The following TRAPPC9 variants were observed in gnomAD, a reference collection of about 807,000 sequenced individuals.
TRAPPC9 encodes the protein IKK2 binding protein.
A neutral mutation model predicts 124.0 loss-of-function variants in TRAPPC9; 83 were observed. That is an observed-to-expected ratio of 0.67 (90% CI 0.56 to 0.80). The LOEUF (loss-of-function observed/expected upper bound fraction) is 0.80, where lower values mean the gene tolerates loss of function less well. Among genes scored for constraint, TRAPPC9 ranks in the 30% least tolerant of loss-of-function variants. The pLI, the probability that TRAPPC9 is intolerant of heterozygous loss-of-function variation, is 0.00. For missense variants in TRAPPC9, 1,302 were observed against 1,508.3 expected, an observed-to-expected ratio of 0.86 and a Z score of 2.27; for synonymous variants, 638 against 617.5, an observed-to-expected ratio of 1.03 and a Z score of -0.49.
At chr8:140,410,750 G>C (rs1473523075) in intron 5 of TRAPPC9, among the ~76,000 whole-genome samples, 2 of 151,950 alleles carry the variant, frequency 1.3e-5, no homozygotes, top group African/African-American at 4.8e-5. Context: ...GGCTGAGGCA[G>C]GAGAATGGCG....
chr8:140,442,927 G>A (rs1314979545), intron 2 of TRAPPC9, among the ~76,000 whole-genome samples: 11 of 151,884 alleles, frequency 7.2e-5, no homozygotes, highest in African/African-American at 2.7e-4. Flanking sequence ...AAAGTTAAGA[G>A]ATAGAGACCA....
chr8:140,032,028 C>T (rs1239957423), intron 17 of TRAPPC9, among the ~76,000 whole-genome samples: 1 of 152,218 alleles, frequency 6.6e-6, no homozygotes, highest in Admixed American at 6.5e-5. Flanking sequence ...TGCCATAGAC[C>T]ACAGCAGTGC....
rs34124150 is a variant in TRAPPC9 at position 140,152,355 on chromosome 8, C to CTTTTTT, written c.2556+69098_2556+69103dup. On this transcript the variant is annotated intron_variant, in intron 17 of 22. Transcript: ENST00000438773. ...AAATCAGTTTGGGTAATATTGCCAT[C>CTTTTTT]TTTTTTTTTTTTTTTTTTTTTTTGA... 5.0e-4 allele frequency among the ~76,000 whole-genome samples: 47 copies of CTTTTTT among 93,840 alleles called. 1 individual carries two copies. Among genetic ancestry groups the CTTTTTT allele is most frequent in the Middle Eastern group, 7.2e-3 (1 of 138 alleles). 61.6% of individuals were successfully genotyped at this position (93,840 alleles called of 152,430 possible).
chr8:140,239,833 T>C (rs78187863), intron 16 of TRAPPC9, among the ~76,000 whole-genome samples: 2,922 of 152,334 alleles, frequency 0.019, 40 homozygotes, highest in Non-Finnish European at 0.031. Context: ...TCCAATCACC[T>C]TTGTCTTTGA....
intron 21 of TRAPPC9, among the ~76,000 whole-genome samples, chr8:139,736,883 C>T (rs1818205847): frequency 6.6e-6 from 1 of 152,156 alleles, no homozygotes; most frequent in South Asian, 2.1e-4. Context: ...TTCTGCAGGG[C>T]CCCACTCTCC....
intron 21 of TRAPPC9, among the ~76,000 whole-genome samples, chr8:139,865,893 C>T (rs867835299): frequency 4.6e-5 from 7 of 152,092 alleles, no homozygotes; most frequent in East Asian, 1.9e-4. Flanking sequence ...AACATGTGCC[C>T]GAGGTGGTCG....
intron 17 of TRAPPC9, among the ~76,000 whole-genome samples, chr8:140,202,823 C>T (rs1328891999): frequency 6.6e-6 from 1 of 152,194 alleles, no homozygotes; most frequent in Non-Finnish European, 1.5e-5. Context: ...CCAACTTCAC[C>T]TATGAAGTAT....
rs566888304 is a variant in TRAPPC9, at chr8:140,245,282, C to T, written c.2431+7495G>A. Among the ~76,000 whole-genome samples the T allele has an allele frequency of 9.8e-5, 15 of 152,324 alleles. No homozygotes were observed. In the South Asian group the frequency reaches 2.3e-3, roughly 23 times the overall value. Reference sequence around the variant, plus strand: ...CTCGATTTGCCCATCCCAATGCTGACGTCCTCCCTCGCCCACAGGGCCCAC... The same window carrying T: ...CTCGATTTGCCCATCCCAATGCTGATGTCCTCCCTCGCCCACAGGGCCCAC... On this transcript the variant is annotated intron_variant, in intron 16 of 22. Transcript: ENST00000438773.
At chr8:140,051,576 C>CTTTTTTTTTTTTT (rs1197128988) in intron 17 of TRAPPC9, among the ~76,000 whole-genome samples, 2 of 88,022 alleles carry the variant, frequency 2.3e-5, no homozygotes, top group African/African-American at 4.7e-5. Flanking sequence ...ATTGTTCATT[C>CTTTTTTTTTTTTT]TTTTTTTTTT....
Position 140,439,072 on chromosome 8 carries a change from T to C in TRAPPC9, c.710A>G (p.Asn237Ser). The part of the protein sequence containing the change: ...HMSVELLRSV[N>S]DFLWLGAALE... ...CTTACCTCCAAGCCACAGAAAGTCA[T>C]TCACAGAACGCAGCAGCTCCACCGA... Residue 237 changes from asparagine (N) to serine (S), a missense_variant, in exon 3 of 23, where the codon AAT becomes AGT. Asn to Ser is a conservative substitution (Grantham distance 46). Coordinates refer to ENST00000438773, the MANE Select transcript of TRAPPC9 (RefSeq NM_001160372.4). 1 of 1,614,198 alleles carries C rather than the reference T, an allele frequency of 6.2e-7. No homozygotes were observed. Among genetic ancestry groups the C allele is most frequent in the Non-Finnish European group, 8.5e-7 (1 of 1,180,044 alleles).
At chr8:139,753,769 G>C (rs2130245068) in intron 21 of TRAPPC9, among the ~76,000 whole-genome samples, 2 of 152,312 alleles carry the variant, frequency 1.3e-5, no homozygotes, top group East Asian at 3.9e-4. Flanking sequence ...TTGTAACATG[G>C]ACTAAGGGTG....
chr8:139,945,885 A>G (rs571607264), intron 19 of TRAPPC9, among the ~76,000 whole-genome samples: 1 of 152,370 alleles, frequency 6.6e-6, no homozygotes, highest in South Asian at 2.1e-4. Flanking sequence ...TAACAGATGG[A>G]TAAAAAGGTG....
intron 17 of TRAPPC9, among the ~76,000 whole-genome samples, chr8:140,074,461 C>T (rs1188204285): frequency 6.6e-6 from 1 of 152,232 alleles, no homozygotes; most frequent in African/African-American, 2.4e-5. Context: ...GCCACTTCAT[C>T]AACATCTGCT....
intron 8 of TRAPPC9, among the ~76,000 whole-genome samples, chr8:140,369,211 TGAACA>T (rs1045526950): frequency 6.6e-6 from 1 of 152,218 alleles, no homozygotes; most frequent in African/African-American, 2.4e-5. Context: ...GGAAGATGGT[TGAACA>T]GTAAGAAGTC....
intron 21 of TRAPPC9, among the ~76,000 whole-genome samples, chr8:139,874,807 G>C (rs1443090786): frequency 6.6e-6 from 1 of 152,194 alleles, no homozygotes; most frequent in Non-Finnish European, 1.5e-5. Flanking sequence ...CTCCAGGTAG[G>C]AGAACAACAA....
At chr8:139,731,345 C>G in intron 22 of TRAPPC9, 117 bp from the exon 23 acceptor site, 1 of 1,257,662 alleles carries the variant, frequency 8.0e-7, no homozygotes, top group Non-Finnish European at 1.1e-6. Flanking sequence ...GAGGGCCGCC[C>G]AGGCCTGGCT....
intron 14 of TRAPPC9, among the ~76,000 whole-genome samples, chr8:140,278,322 T>C (rs2065191907): frequency 6.6e-6 from 1 of 152,120 alleles, no homozygotes; most frequent in African/African-American, 2.4e-5. Flanking sequence ...GCCAGGCCGG[T>C]CTCGAACTCC....
rs79846468 is a variant in TRAPPC9, at chr8:139,841,027, T to C, written c.3055+44852A>G. ...ATTCACTGTCTTGAAATTCTAGAGC[T>C]AGAAGTATGAAAGCGGCCTCGCCTG... is the stretch of plus-strand genomic sequence containing the variant. On this transcript the variant is annotated intron_variant, in intron 21 of 22. Transcript: ENST00000438773. 1.8e-3 allele frequency among the ~76,000 whole-genome samples: 274 copies of C among 152,282 alleles called. 10 individuals carry two copies. In the East Asian group the frequency reaches 0.042, roughly 24 times the overall value.
At chr8:140,408,150 T>C (rs547675518) in intron 5 of TRAPPC9, among the ~76,000 whole-genome samples, 1 of 152,272 alleles carries the variant, frequency 6.6e-6, no homozygotes, top group South Asian at 2.1e-4. Context: ...GTATGAGATG[T>C]CATCATGAAC....
Sources: allele counts gnomAD v4.1 joint callset (sites outside exome capture counted in the v4.1 genomes callset), GRCh38; gene constraint gnomAD v4.1.1; transcripts MANE v1.5; gene names NCBI Gene and HGNC (gene_info 2026-07-23, HGNC 2026-07-21).